RBMS3: variants seen among roughly 807,000 people sequenced by gnomAD.
RBMS3 encodes RNA binding motif single stranded interacting protein 3.
Under a neutral mutation model 66.8 loss-of-function variants are expected in RBMS3, and 27 were observed. That is an observed-to-expected ratio of 0.40 (90% CI 0.30 to 0.56). The LOEUF (loss-of-function observed/expected upper bound fraction) is 0.56, where lower values mean the gene tolerates loss of function less well. RBMS3 is among the 20% of genes least tolerant of loss of function. RBMS3 has a pLI of 0.40. For synonymous variants in RBMS3, 188 were observed against 183.0 expected, an observed-to-expected ratio of 1.03 and a Z score of -0.22; for missense variants, 513 against 549.5, an observed-to-expected ratio of 0.93 and a Z score of 0.66.
intron 6 of RBMS3, among the ~76,000 whole-genome samples, chr3:29,774,912 A>G (rs1444778833): frequency 6.9e-6 from 1 of 145,982 alleles, no homozygotes; most frequent in Non-Finnish European, 1.5e-5. Context: ...AAATAAATAA[A>G]CATCTAAATT....
chr3:29,687,013 A>G (rs1440501), intron 4 of RBMS3, among the ~76,000 whole-genome samples: 92,177 of 151,982 alleles, frequency 0.61, 28,160 homozygotes, highest in African/African-American at 0.68. Flanking sequence ...GTATATCATC[A>G]GTTTTGTTTT....
chr3:29,536,154 T>C (rs1279559336), intron 3 of RBMS3, among the ~76,000 whole-genome samples: 1 of 152,064 alleles, frequency 6.6e-6, no homozygotes, highest in East Asian at 1.9e-4. Flanking sequence ...CTTTCCTAAG[T>C]AAAAAATGTC....
At chr3:29,383,613 T>A (rs574018416) in intron 1 of RBMS3, among the ~76,000 whole-genome samples, 11 of 152,328 alleles carry the variant, frequency 7.2e-5, no homozygotes, top group African/African-American at 2.4e-4. Context: ...ATTGTTAGTG[T>A]AAAATATCCA....
intron 1 of RBMS3, among the ~76,000 whole-genome samples, chr3:29,284,066 C>T (rs1461594988): frequency 6.6e-6 from 1 of 152,004 alleles, no homozygotes; most frequent in African/African-American, 2.4e-5. Flanking sequence ...ACACTTATAC[C>T]TCAAAATATA....
chr3:29,884,054 C>A, intron 7 of RBMS3, 108 bp from the exon 8 acceptor site: 1 of 978,302 alleles, frequency 1.0e-6, no homozygotes, highest in Non-Finnish European at 1.6e-6. Flanking sequence ...AGAAAATAAA[C>A]TTAGATCATG....
intron 3 of RBMS3, among the ~76,000 whole-genome samples, chr3:29,499,276 A>T (rs2043874629): frequency 6.8e-6 from 1 of 147,178 alleles, no homozygotes; most frequent in African/African-American, 2.6e-5. Context: ...CATTGTTCTT[A>T]TTATTAGTTA....
intron 4 of RBMS3, among the ~76,000 whole-genome samples, 181 bp downstream of exon 4, chr3:29,587,386 T>C (rs1576303338): frequency 6.6e-6 from 1 of 151,784 alleles, no homozygotes; most frequent in African/African-American, 2.4e-5. Context: ...GTTTATATTT[T>C]CTTGTTAGGG....
chr3:29,778,911 A>G (rs886318806), intron 6 of RBMS3, among the ~76,000 whole-genome samples: 1 of 151,834 alleles, frequency 6.6e-6, no homozygotes, highest in Admixed American at 6.6e-5. Context: ...ACTATAGGAG[A>G]AAATATCAGC....
At chr3:29,489,886 T>C (rs2043467017) in intron 3 of RBMS3, among the ~76,000 whole-genome samples, 1 of 151,172 alleles carries the variant, frequency 6.6e-6, no homozygotes, top group East Asian at 2.0e-4. Flanking sequence ...CTACTAAAAA[T>C]ACAAAGATTA....
At chr3:29,735,250 A>C (rs2054326084) in intron 4 of RBMS3, among the ~76,000 whole-genome samples, 1 of 152,160 alleles carries the variant, frequency 6.6e-6, no homozygotes, top group Non-Finnish European at 1.5e-5. Flanking sequence ...AATGACAATA[A>C]ATCTGATTTT....
At chr3:29,297,316 G>T (rs2033341991) in intron 1 of RBMS3, among the ~76,000 whole-genome samples, 1 of 151,772 alleles carries the variant, frequency 6.6e-6, no homozygotes. Flanking sequence ...TATTATGAAG[G>T]TGATAAAATA....
intron 12 of RBMS3, among the ~76,000 whole-genome samples, chr3:29,954,502 A>T: frequency 6.6e-6 from 1 of 151,992 alleles, no homozygotes; most frequent in East Asian, 1.9e-4. Context: ...AGAGTCTTTG[A>T]CAGTAGCTTA....
At chr3:29,840,919 G>C (rs1480032898) in intron 6 of RBMS3, among the ~76,000 whole-genome samples, 1 of 151,870 alleles carries the variant, frequency 6.6e-6, no homozygotes, top group Non-Finnish European at 1.5e-5. Flanking sequence ...TTTAAAGTAT[G>C]ATGTATTGAC....
At chr3:29,986,786 T>C (rs1369393078) in intron 12 of RBMS3, among the ~76,000 whole-genome samples, 1 of 151,938 alleles carries the variant, frequency 6.6e-6, no homozygotes, top group Non-Finnish European at 1.5e-5. Flanking sequence ...CTACTAAAAA[T>C]ACAAAAATTA....
intron 2 of RBMS3, among the ~76,000 whole-genome samples, chr3:29,478,947 C>G (rs1309344968): frequency 6.6e-6 from 1 of 152,114 alleles, no homozygotes; most frequent in Non-Finnish European, 1.5e-5. Context: ...AAGGACTAGT[C>G]ATGTCCAAAA....
At chr3:29,300,501 A>G (rs2033602693) in intron 1 of RBMS3, among the ~76,000 whole-genome samples, 1 of 152,000 alleles carries the variant, frequency 6.6e-6, no homozygotes, top group Non-Finnish European at 1.5e-5. Context: ...GGATATAATG[A>G]CTGAGGAAAA....
At chr3:29,574,871 T>G (rs1048287982) in intron 3 of RBMS3, among the ~76,000 whole-genome samples, 17 of 146,320 alleles carry the variant, frequency 1.2e-4, no homozygotes, top group Admixed American at 2.0e-4. Flanking sequence ...ACAAGAAAAT[T>G]AATAAAAACC....
intron 4 of RBMS3, among the ~76,000 whole-genome samples, chr3:29,659,216 T>A (rs1188967954): frequency 6.6e-6 from 1 of 152,230 alleles, no homozygotes; most frequent in African/African-American, 2.4e-5. Context: ...ATTTTTTATA[T>A]TGGTAAAATA....
chr3:29,364,477 G>A (rs750089821), intron 1 of RBMS3, among the ~76,000 whole-genome samples: 2 of 152,138 alleles, frequency 1.3e-5, no homozygotes, highest in African/African-American at 4.8e-5. Context: ...GTATGAATAA[G>A]TATTTAAGAA....
Sources: allele counts gnomAD v4.1 joint callset (sites outside exome capture counted in the v4.1 genomes callset), GRCh38; gene constraint gnomAD v4.1.1; transcripts MANE v1.5; gene names NCBI Gene and HGNC (gene_info 2026-07-23, HGNC 2026-07-21).